Variants in ABCD2 observed in about 807,000 individuals in gnomAD.
ABCD2 encodes ATP binding cassette subfamily D member 2.
A neutral mutation model predicts 70.9 loss-of-function variants in ABCD2; 36 were observed. The observed-to-expected ratio is 0.51, with a 90% CI of 0.39 to 0.67. ABCD2 has a LOEUF of 0.67. Ranked by LOEUF, ABCD2 falls within the 30% of genes least tolerant of loss-of-function variation. The pLI is 0.00. For synonymous variants in ABCD2, 304 were observed against 306.9 expected, an observed-to-expected ratio of 0.99 and a Z score of 0.10; for missense variants, 729 against 890.2, an observed-to-expected ratio of 0.82 and a Z score of 2.30.
chr12:39,553,712 A>G lies in ABCD2; in HGVS notation c.*200T>C, dbSNP rs998526787. 9 of 550,530 alleles carry G rather than the reference A, an allele frequency of 1.6e-5. No homozygotes were observed. The African/African-American group carries it at 1.7e-4, about 10-fold the overall frequency. The allele number at this position is 550,530 out of a possible 1,614,324, so 34.1% of individuals were successfully genotyped here. A position where few individuals can be genotyped will look rare whatever the true frequency, so the allele number is the denominator to read the frequency against. On this transcript the variant is annotated 3_prime_UTR_variant, in exon 10 of 10. Transcript: ENST00000308666. The stretch of plus-strand genomic sequence containing the variant: ...CCTTCACTAGGAATTAGTATAAGTC[A>G]TAATGACTGACCTTACATAATGCAT...
At chr12:39,560,596 G>T (rs1419085849) in intron 9 of ABCD2, among the ~76,000 whole-genome samples, 1 of 151,784 alleles carries the variant, frequency 6.6e-6, no homozygotes, top group Non-Finnish European at 1.5e-5. Flanking sequence ...AAGGGTAAAG[G>T]TTGTGTTTTT....
downstream of ABCD2, among the ~76,000 whole-genome samples, chr12:39,549,118 A>T (rs1322751500): frequency 6.6e-6 from 1 of 152,016 alleles, no homozygotes; most frequent in Admixed American, 6.6e-5. Flanking sequence ...TCAAGACAAC[A>T]TGCTAAATAC....
downstream of ABCD2, among the ~76,000 whole-genome samples, chr12:39,548,803 C>T (rs1407478707): frequency 6.6e-6 from 1 of 151,692 alleles, no homozygotes; most frequent in African/African-American, 2.4e-5. Flanking sequence ...TATTTCATTG[C>T]TTCATTGCTA....
At chr12:39,534,798 G>GAAAGA in the ABCD2 span, among the ~76,000 whole-genome samples, 2 of 116,446 alleles carry the variant, frequency 1.7e-5, no homozygotes, top group Admixed American at 9.1e-5. Context: ...AAGAAAGAAA[G>GAAAGA]AAAGAAAGAA....
At chr12:39,597,700 G>A (rs1434970032) in intron 6 of ABCD2, among the ~76,000 whole-genome samples, 1 of 152,106 alleles carries the variant, frequency 6.6e-6, no homozygotes, top group Non-Finnish European at 1.5e-5. Context: ...GCAATACTAA[G>A]CATTTTAACA....
At chr12:39,567,765 G>A (rs868112278) in intron 9 of ABCD2, among the ~76,000 whole-genome samples, 14 of 152,108 alleles carry the variant, frequency 9.2e-5, no homozygotes, top group African/African-American at 2.7e-4. Context: ...GGCTGGTACC[G>A]GTTGTTCCTT....
At chr12:39,585,527 T>C (rs185552379) in intron 7 of ABCD2, among the ~76,000 whole-genome samples, 9 of 152,146 alleles carry the variant, frequency 5.9e-5, no homozygotes, top group Admixed American at 4.6e-4. Flanking sequence ...GCCTGGCTTA[T>C]CTAGTTAAAG....
chr12:39,555,990 C>T (rs1044135767), intron 9 of ABCD2, among the ~76,000 whole-genome samples: 1 of 152,160 alleles, frequency 6.6e-6, no homozygotes, highest in African/African-American at 2.4e-5. Flanking sequence ...GCAATAGCTG[C>T]AGCAATCACT....
At chr12:39,586,347 TACTC>T (rs1354346472) in intron 6 of ABCD2, 50 bp from the exon 7 acceptor site, 1 of 1,569,136 alleles carries the variant, frequency 6.4e-7, no homozygotes, top group Non-Finnish European at 8.6e-7. Context: ...CATGATAACT[TACTC>T]AGTGTGACAA....
chr12:39,565,979 C>T (rs949945282), intron 9 of ABCD2, among the ~76,000 whole-genome samples: 7 of 152,186 alleles, frequency 4.6e-5, no homozygotes, highest in African/African-American at 1.7e-4. Flanking sequence ...GGGATGAAGC[C>T]CACTTGATCA....
chr12:39,577,888 G>C (rs1032322974), intron 8 of ABCD2, among the ~76,000 whole-genome samples: 1 of 152,022 alleles, frequency 6.6e-6, no homozygotes, highest in East Asian at 1.9e-4. Context: ...ATGAGAATAT[G>C]GGGTTCTTAC....
Position 39,619,305 on chromosome 12 carries a change from G to GT in ABCD2, c.310dup (p.Thr104AsnfsTer82). 1 of 1,614,108 alleles carries GT rather than the reference G, an allele frequency of 6.2e-7. No homozygotes were observed. Among genetic ancestry groups the GT allele is most frequent in the Non-Finnish European group, 8.5e-7 (1 of 1,180,024 alleles). On this transcript the variant is annotated frameshift_variant, in exon 1 of 10. Transcript: ENST00000308666. LOFTEE classifies it high-confidence loss of function. ...CACTGAGTGCAGGCAGAGCCACCCT[G>GT]TTTCAGTGGTCACAAGTTTTGGAAA...
chr12:39,571,865 A>G (rs969714686), intron 9 of ABCD2, among the ~76,000 whole-genome samples: 1 of 152,090 alleles, frequency 6.6e-6, no homozygotes, highest in African/African-American at 2.4e-5. Flanking sequence ...ATCAACAATT[A>G]CTCATTTGTT....
Position 39,603,952 on chromosome 12 carries a change from G to A in ABCD2, c.1460C>T (p.Thr487Ile), listed in dbSNP as rs368116807. 1 of 1,612,856 alleles carries A rather than the reference G, an allele frequency of 6.2e-7. No homozygotes were observed. The highest frequency in any genetic ancestry group is 8.5e-7 in the Non-Finnish European group (1 of 1,179,248). ...GGAAGCCACCACTTCTCCTGCTGGTGTAATTATGGGAACATTTTCACAAAT... is the reference window on the plus strand; with the variant it reads ...GGAAGCCACCACTTCTCCTGCTGGTATAATTATGGGAACATTTTCACAAAT... ...GIICENVPII[T>I]PAGEVVASRL... Residue 487 changes from threonine to isoleucine, a missense_variant, in exon 5 of 10, where the codon ACA becomes ATA. Around this residue, in one of 3 missense-constraint regions of ABCD2, gnomAD observed 289 missense variants for 328.8 expected, o/e 0.88. Transcript: ENST00000308666.
chr12:39,585,702 C>G (rs1941654882), intron 7 of ABCD2, among the ~76,000 whole-genome samples: 1 of 151,926 alleles, frequency 6.6e-6, no homozygotes, highest in East Asian at 1.9e-4. Flanking sequence ...CTTTAATTAC[C>G]TGTGTGCTGC....
chr12:39,612,792 G>A (rs867138221), intron 2 of ABCD2, among the ~76,000 whole-genome samples: 1 of 152,172 alleles, frequency 6.6e-6, no homozygotes. Context: ...CAATAATGCA[G>A]CAGAAACTGA....
intron 6 of ABCD2, among the ~76,000 whole-genome samples, chr12:39,586,805 T>A (rs1941672347): frequency 6.6e-6 from 1 of 152,216 alleles, no homozygotes; most frequent in South Asian, 2.1e-4. Flanking sequence ...TATTATACAA[T>A]TTGGGTTTCG....
intron 5 of ABCD2, among the ~76,000 whole-genome samples, chr12:39,602,623 G>A (rs1261276268): frequency 6.6e-6 from 1 of 152,118 alleles, no homozygotes; most frequent in African/African-American, 2.4e-5. Context: ...TATGAAGAAA[G>A]TATACTTTAC....
chr12:39,558,254 A>G (rs1941199743), intron 9 of ABCD2, among the ~76,000 whole-genome samples: 1 of 152,178 alleles, frequency 6.6e-6, no homozygotes, highest in African/African-American at 2.4e-5. Context: ...TTTTTGGCCA[A>G]TTTGGAATGG....
Sources: gnomAD v4.1 joint callset for allele counts (sites outside exome capture counted in the v4.1 genomes callset) on GRCh38, gnomAD v4.1.1 for gene constraint, gnomAD v4.1.1 regional missense constraint, MANE v1.5 for transcripts, NCBI Gene and HGNC (gene_info 2026-07-23, HGNC 2026-07-21) for gene names.